LOC400499: variants seen among roughly 807,000 people sequenced by gnomAD.
At chr16:11,435,159 T>C in the LOC400499 span, among the ~76,000 whole-genome samples, 2 of 151,932 alleles carry the variant, frequency 1.3e-5, no homozygotes, top group East Asian at 1.9e-4. Flanking sequence ...TTTAAAAATT[T>C]TCTGTACAGA....
At chr16:11,520,516 G>C in the LOC400499 span, among the ~76,000 whole-genome samples, 5 of 152,100 alleles carry the variant, frequency 3.3e-5, no homozygotes, top group African/African-American at 1.2e-4. Context: ...AATTAGCCAG[G>C]CGTGGCGGAG....
the LOC400499 span, chr16:11,473,137 A>AAATAAATAAATT: frequency 2.0e-5 from 3 of 151,480 alleles, no homozygotes; most frequent in African/African-American, 7.3e-5. Context: ...ATAAATAAAT[A>AAATAAATAAATT]AATAAAATAA....
chr16:11,478,082 ACG>A, the LOC400499 span: 1 of 393,638 alleles, frequency 2.5e-6, no homozygotes, highest in Non-Finnish European at 4.5e-6. Flanking sequence ...GGAGGCCGAG[ACG>A]GGTGGATCAT....
chr16:11,395,559 T>A, the LOC400499 span, among the ~76,000 whole-genome samples: 3 of 152,054 alleles, frequency 2.0e-5, no homozygotes, highest in Non-Finnish European at 2.9e-5. Context: ...GCTGCTGAAC[T>A]CTCAACCCAG....
chr16:11,392,742 T>C, the LOC400499 span: 1 of 964,698 alleles, frequency 1.0e-6, no homozygotes, highest in African/African-American at 1.8e-5. Flanking sequence ...TTTCCTGAGG[T>C]TTTTTTTTGA....
the LOC400499 span, among the ~76,000 whole-genome samples, chr16:11,404,242 A>C: frequency 6.6e-6 from 1 of 152,164 alleles, no homozygotes; most frequent in Admixed American, 6.5e-5. Context: ...TATTTTGCTT[A>C]TGTGCATCTT....
chr16:11,425,818 G>A, the LOC400499 span, among the ~76,000 whole-genome samples: 1 of 152,134 alleles, frequency 6.6e-6, no homozygotes, highest in South Asian at 2.1e-4. Context: ...GTTCAGAAAA[G>A]AGAAGAGATG....
chr16:11,513,156 C>T, the LOC400499 span, among the ~76,000 whole-genome samples: 1 of 152,258 alleles, frequency 6.6e-6, no homozygotes, highest in East Asian at 1.9e-4. Flanking sequence ...GTAATCCCAG[C>T]ACTTTGGGAG....
At chr16:11,503,010 C>A in the LOC400499 span, among the ~76,000 whole-genome samples, 1 of 150,962 alleles carries the variant, frequency 6.6e-6, no homozygotes, top group African/African-American at 2.4e-5. Flanking sequence ...CAGCCTCAAC[C>A]TCCTGGGCTC....
chr16:11,376,467 A>G, the LOC400499 span, among the ~76,000 whole-genome samples: 1 of 152,098 alleles, frequency 6.6e-6, no homozygotes. Flanking sequence ...CCCCAATTCA[A>G]TAGTCTTGGC....
At chr16:11,523,101 C>A in the LOC400499 span, among the ~76,000 whole-genome samples, 1 of 152,208 alleles carries the variant, frequency 6.6e-6, no homozygotes, top group African/African-American at 2.4e-5. Context: ...TTCATCTGCT[C>A]CACTCCAAAA....
At chr16:11,422,019 G>T in the LOC400499 span, among the ~76,000 whole-genome samples, 1 of 152,248 alleles carries the variant, frequency 6.6e-6, no homozygotes, top group African/African-American at 2.4e-5. Context: ...TCCCCACACA[G>T]CCCAGTGACA....
At chr16:11,391,678 C>T in the LOC400499 span, 1 of 1,232,252 alleles carries the variant, frequency 8.1e-7, no homozygotes, top group South Asian at 4.1e-5. Context: ...TCCAGCTCCT[C>T]CCGCAGCTGC....
the LOC400499 span, among the ~76,000 whole-genome samples, chr16:11,437,877 C>T: frequency 6.6e-6 from 1 of 152,092 alleles, no homozygotes; most frequent in Non-Finnish European, 1.5e-5. Context: ...TCGAAAAATA[C>T]TAATGATAAT....
the LOC400499 span, among the ~76,000 whole-genome samples, chr16:11,511,151 C>T: frequency 6.8e-6 from 1 of 146,336 alleles, no homozygotes; most frequent in Admixed American, 6.6e-5. Flanking sequence ...CACACACCAC[C>T]ATGCCTGGCT....
the LOC400499 span, among the ~76,000 whole-genome samples, chr16:11,520,294 G>A: frequency 6.6e-6 from 1 of 152,086 alleles, no homozygotes; most frequent in Non-Finnish European, 1.5e-5. Context: ...AGACACAAAG[G>A]AAAACATCCT....
At chr16:11,435,848 C>T in the LOC400499 span, 7 of 399,186 alleles carry the variant, frequency 1.8e-5, no homozygotes, top group Admixed American at 4.4e-5. Flanking sequence ...GTTGAGGCTG[C>T]GCACTCTGTA....
At chr16:11,495,917 G>A in the LOC400499 span, among the ~76,000 whole-genome samples, 54 of 152,276 alleles carry the variant, frequency 3.5e-4, no homozygotes, top group African/African-American at 1.3e-3. Context: ...CAACACTCAC[G>A]GCTTCTCAAA....
At chr16:11,480,984 G>A in the LOC400499 span, among the ~76,000 whole-genome samples, 5 of 152,212 alleles carry the variant, frequency 3.3e-5, no homozygotes, top group South Asian at 4.1e-4. Context: ...ATAAACACAC[G>A]TGGTACATCC....
Sources: allele counts gnomAD v4.1 joint callset (sites outside exome capture counted in the v4.1 genomes callset), GRCh38; gene constraint gnomAD v4.1.1; transcripts MANE v1.5.